FSTL5: variants seen among roughly 807,000 people sequenced by gnomAD.
FSTL5 encodes the protein follistatin-related protein 5.
Under a neutral mutation model 89.1 loss-of-function variants are expected in FSTL5, and 62 were observed. That is an observed-to-expected ratio of 0.70 (90% confidence interval 0.57 to 0.86). The LOEUF is 0.86. FSTL5 is among the 40% of genes least tolerant of loss of function. The pLI is 0.00. For synonymous variants in FSTL5, 383 were observed against 346.2 expected, an observed-to-expected ratio of 1.11 and a Z score of -1.18; for missense variants, 1,057 against 1,001.6, an observed-to-expected ratio of 1.06 and a Z score of -0.75.
In FSTL5 at chr4:161,849,518, G is replaced by A. The variant is rs114466002; in HGVS notation, c.409+70886C>T. Among the ~76,000 whole-genome samples, 613 of 98,500 alleles carry A rather than the reference G, an allele frequency of 6.2e-3. 4 individuals carry two copies. Among genetic ancestry groups the A allele is most frequent in the African/African-American group, 0.022 (595 of 26,462 alleles). The allele number at this position is 98,500 out of a possible 152,430, so 64.6% of individuals were successfully genotyped here. On this transcript the variant is annotated intron_variant, in intron 4 of 15. Transcript: ENST00000306100. ...AAACTACTTCAAATGTTTCATCATT[G>A]CCCTCGACCTACACACACACACACA...
At chr4:161,883,538 G>A (rs1300360629) in intron 4 of FSTL5, among the ~76,000 whole-genome samples, 1 of 152,052 alleles carries the variant, frequency 6.6e-6, no homozygotes, top group Non-Finnish European at 1.5e-5. Flanking sequence ...CCAATAAGTA[G>A]GGAAAGCAAA....
intron 3 of FSTL5, among the ~76,000 whole-genome samples, chr4:161,989,961 G>A (rs74713382): frequency 0.055 from 8,365 of 152,156 alleles, 266 homozygotes; most frequent in Non-Finnish European, 0.077. Context: ...TGAATACATT[G>A]TCCAAACTCC....
intron 3 of FSTL5, among the ~76,000 whole-genome samples, chr4:161,960,332 A>G (rs921551161): frequency 4.0e-5 from 6 of 151,466 alleles, no homozygotes; most frequent in Admixed American, 2.6e-4. Context: ...ATGCCCAGCT[A>G]ATTTTTTTTT....
intron 3 of FSTL5, among the ~76,000 whole-genome samples, chr4:162,007,762 G>A (rs2111122319): frequency 6.6e-6 from 1 of 151,994 alleles, no homozygotes; most frequent in South Asian, 2.1e-4. Context: ...TTCATACAAT[G>A]CAATGCTGTC....
intron 6 of FSTL5, among the ~76,000 whole-genome samples, chr4:161,719,868 A>G (rs1300448803): frequency 6.6e-6 from 1 of 152,152 alleles, no homozygotes; most frequent in African/African-American, 2.4e-5. Context: ...GGGACTCTTT[A>G]GAACTTTATC....
chr4:161,775,060 G>A (rs550383357), intron 5 of FSTL5, among the ~76,000 whole-genome samples: 7 of 151,996 alleles, frequency 4.6e-5, no homozygotes, highest in African/African-American at 1.7e-4. Flanking sequence ...GCAAAGCTTC[G>A]AAATACTTGT....
At chr4:162,049,589 T>A (rs570081592) in intron 2 of FSTL5, among the ~76,000 whole-genome samples, 9 of 152,240 alleles carry the variant, frequency 5.9e-5, no homozygotes, top group East Asian at 5.8e-4. Flanking sequence ...AACCCTGTAG[T>A]CTCTTCCCTT....
At chr4:161,817,503 G>A (rs1435961311) in intron 4 of FSTL5, among the ~76,000 whole-genome samples, 4 of 152,132 alleles carry the variant, frequency 2.6e-5, no homozygotes, top group Non-Finnish European at 4.4e-5. Flanking sequence ...ATAAATTAAT[G>A]GCTCCTCAGG....
chr4:162,091,794 A>T (rs2111358971), intron 2 of FSTL5, among the ~76,000 whole-genome samples: 1 of 152,236 alleles, frequency 6.6e-6, no homozygotes, highest in East Asian at 1.9e-4. Flanking sequence ...AAAAAAAATT[A>T]TAATCAACAC....
chr4:161,710,808 A>C (rs941057904), intron 6 of FSTL5, among the ~76,000 whole-genome samples: 10 of 152,218 alleles, frequency 6.6e-5, no homozygotes, highest in Non-Finnish European at 1.5e-4. Context: ...TATGTATATG[A>C]TAAGCCTTAG....
rs187874258 is a variant in FSTL5, at chr4:161,900,320, C to T, written c.409+20084G>A. 3.4e-4 allele frequency among the ~76,000 whole-genome samples: 52 copies of T among 152,102 alleles called. No individual in the cohort carries two copies. In the East Asian group the frequency reaches 4.8e-3, roughly 14 times the overall value. On this transcript the variant is annotated intron_variant, in intron 4 of 15. Coordinates refer to ENST00000306100, the MANE Select transcript of FSTL5 (RefSeq NM_020116.5). ...ACAGTGAATGAAGCATAAAGAGCAA[C>T]GGGAACAACTAAGGAAGTGGTTAGT...
intron 1 of FSTL5, among the ~76,000 whole-genome samples, chr4:162,118,271 T>C (rs908112862): frequency 7.4e-6 from 1 of 135,286 alleles, no homozygotes; most frequent in Non-Finnish European, 1.6e-5. Flanking sequence ...AAAGAGTCTT[T>C]TTTTTTTTTG....
intron 4 of FSTL5, among the ~76,000 whole-genome samples, chr4:161,860,130 T>C (rs549578402): frequency 1.3e-5 from 2 of 151,852 alleles, no homozygotes; most frequent in Admixed American, 1.3e-4. Context: ...CTACTAAAAA[T>C]ACAAAAAATT....
rs868376849 is a variant in FSTL5 at position 161,443,733 on chromosome 4, A to G, written c.1841+11271T>C. Among the ~76,000 whole-genome samples the G allele has an allele frequency of 1.2e-4, 18 of 152,082 alleles. No homozygotes were observed. In the South Asian group the frequency reaches 1.7e-3, roughly 14 times the overall value. On this transcript the variant is annotated intron_variant, in intron 15 of 15. Coordinates refer to ENST00000306100, the MANE Select transcript of FSTL5 (RefSeq NM_020116.5). Reference sequence around the variant, plus strand: ...AAAAGTTGCATGAATTAAGAGTGATACTGAGTTTGGCTAGGAGATTGATAA... The same window carrying G: ...AAAAGTTGCATGAATTAAGAGTGATGCTGAGTTTGGCTAGGAGATTGATAA...
chr4:161,824,387 C>A (rs1385318502), intron 4 of FSTL5, among the ~76,000 whole-genome samples: 1 of 152,158 alleles, frequency 6.6e-6, no homozygotes, highest in African/African-American at 2.4e-5. Flanking sequence ...ATTTTTATAG[C>A]AGTACCATAT....
At position 161,397,188 on chromosome 4, in the gene FSTL5, T is replaced by C. The variant is rs1002158561; in HGVS notation, c.1842-10739A>G. Among the ~76,000 whole-genome samples, 8 of 152,270 alleles carry C rather than the reference T, an allele frequency of 5.3e-5. No homozygotes were observed. In the East Asian group the frequency reaches 7.7e-4, roughly 15 times the overall value. On this transcript the variant is annotated intron_variant, in intron 15 of 15. Transcript: ENST00000306100. ...AAACACAAAGAAAACTATTCGATGA[T>C]ATTTTCCTAAATATAATATAAATTT...
chr4:161,879,962 A>T (rs1305674271), intron 4 of FSTL5, among the ~76,000 whole-genome samples: 1 of 152,156 alleles, frequency 6.6e-6, no homozygotes, highest in Non-Finnish European at 1.5e-5. Context: ...TTAATCTCTT[A>T]AATGTTAATT....
At chr4:161,397,236 A>G (rs1461318582) in intron 15 of FSTL5, among the ~76,000 whole-genome samples, 1 of 152,114 alleles carries the variant, frequency 6.6e-6, no homozygotes, top group Non-Finnish European at 1.5e-5. Context: ...TAGTCCTTGT[A>G]TATGTATATA....
chr4:161,452,138 A>G (rs1733188288), intron 15 of FSTL5, among the ~76,000 whole-genome samples: 1 of 152,150 alleles, frequency 6.6e-6, no homozygotes, highest in Non-Finnish European at 1.5e-5. Context: ...TAACGATTCA[A>G]TCTCAGCAGC....
Sources: gnomAD v4.1 joint callset for allele counts (sites outside exome capture counted in the v4.1 genomes callset) on GRCh38, gnomAD v4.1.1 for gene constraint, MANE v1.5 for transcripts, NCBI Gene and HGNC (gene_info 2026-07-23, HGNC 2026-07-21) for gene names.